The following CCNT2 variants were observed in gnomAD, a reference collection of about 807,000 sequenced individuals.
CCNT2 encodes the protein cyclin-T2.
Under a neutral mutation model 70.0 loss-of-function variants are expected in CCNT2, and 18 were observed. The ratio of observed to expected loss-of-function variants is 0.26; its 90% CI spans 0.18 to 0.38. CCNT2 has a LOEUF of 0.38. Ranked by LOEUF, CCNT2 falls within the 10% of genes least tolerant of loss-of-function variation. The pLI is 1.00. For missense variants in CCNT2, 734 were observed against 890.2 expected (o/e 0.82, Z 2.23); for synonymous variants, 334 against 313.3 (o/e 1.07, Z -0.70).
chr2:134,945,228 G>T (rs1276419903), intron 5 of CCNT2: 1 of 985,240 alleles, frequency 1.0e-6, no homozygotes, highest in Non-Finnish European at 1.2e-6. Context: ...TAGGGGAGGG[G>T]GAAAGAAATT....
intron 7 of CCNT2, among the ~76,000 whole-genome samples, chr2:134,949,718 A>G (rs1682297961): frequency 6.7e-6 from 1 of 148,498 alleles, no homozygotes; most frequent in Admixed American, 7.0e-5. Flanking sequence ...TATCTGTTCT[A>G]TAGCTTGAAA....
chr2:134,937,866 A>C (rs1223239103), intron 3 of CCNT2, among the ~76,000 whole-genome samples: 2 of 152,192 alleles, frequency 1.3e-5, no homozygotes, highest in African/African-American at 4.8e-5. Flanking sequence ...GTGAGCTGAG[A>C]TCGTGCCATT....
intron 2 of CCNT2, among the ~76,000 whole-genome samples, chr2:134,928,048 G>A (rs560819740): frequency 6.6e-6 from 1 of 152,298 alleles, no homozygotes; most frequent in East Asian, 1.9e-4. Context: ...TAAGGCTTGT[G>A]CTTAGTGACA....
intron 2 of CCNT2, among the ~76,000 whole-genome samples, chr2:134,929,562 C>T (rs928611811): frequency 1.2e-4 from 18 of 147,332 alleles, no homozygotes; most frequent in Admixed American, 1.0e-3. Flanking sequence ...GAGCCACGTT[C>T]ACGCCACTGC....
intron 2 of CCNT2, among the ~76,000 whole-genome samples, chr2:134,931,720 C>T (rs1298099502): frequency 6.6e-6 from 1 of 152,080 alleles, no homozygotes; most frequent in East Asian, 1.9e-4. Context: ...TATTTGAATT[C>T]CTGTGCAATG....
chr2:134,941,203 C>T (rs1173844452), intron 4 of CCNT2, among the ~76,000 whole-genome samples: 1 of 152,138 alleles, frequency 6.6e-6, no homozygotes, highest in Non-Finnish European at 1.5e-5. Context: ...CAGGTGTTGC[C>T]TGCCTCTCCT....
At chr2:134,939,632 T>C (rs2105055834) in intron 4 of CCNT2, among the ~76,000 whole-genome samples, 1 of 152,026 alleles carries the variant, frequency 6.6e-6, no homozygotes, top group South Asian at 2.1e-4. Flanking sequence ...CACCTGGTTA[T>C]TTTTTTGTAA....
intron 2 of CCNT2, among the ~76,000 whole-genome samples, chr2:134,928,495 C>G (rs1336028525): frequency 2.6e-5 from 4 of 151,968 alleles, no homozygotes; most frequent in Admixed American, 1.3e-4. Context: ...TCAGGCTGGT[C>G]TAGAACTCCC....
Position 134,954,266 on chromosome 2 carries a change from G to A in CCNT2, c.1811G>A (p.Gly604Asp), listed in dbSNP as rs755814128. ...IPPTVLRSPV[G>D]LSSDGISSSS... ...CCCACTGTTCTGAGGAGTCCTGTTG[G>A]CCTGAGCAGTGATGGCATTTCCTCT... Residue 604 changes from glycine to aspartate, a missense_variant, in exon 9 of 9, where the codon GGC (glycine) becomes GAC (aspartate). Physicochemically the swap from Gly to Asp is moderately conservative, Grantham distance 94 (BLOSUM62 -1). This residue lies in a region of CCNT2 where 532 missense variants were observed against 556.9 expected (regional missense o/e 0.96). Coordinates refer to ENST00000264157, the MANE Select transcript of CCNT2 (RefSeq NM_058241.3). The A allele has an allele frequency of 5.0e-6, 8 of 1,614,156 alleles. No individual in the cohort carries two copies. Among genetic ancestry groups the A allele is most frequent in the Non-Finnish European group, 6.8e-6 (8 of 1,180,010 alleles).
intron 2 of CCNT2, 69 bp downstream of exon 2, chr2:134,919,960 G>A (rs1428201845): frequency 1.9e-6 from 2 of 1,048,050 alleles, no homozygotes; most frequent in Non-Finnish European, 2.9e-6. Flanking sequence ...AAAAAAAGTT[G>A]GTCATTGCGT....
Position 134,957,927 on chromosome 2 carries a change from ATCCTC to A in CCNT2, c.*3281_*3285del, listed in dbSNP as rs1683020331. The A allele has an allele frequency of 6.6e-6, 1 of 152,154 alleles. No homozygotes were observed. Among genetic ancestry groups the A allele is most frequent in the East Asian group, 1.9e-4 (1 of 5,190 alleles). 9.4% of individuals were successfully genotyped at this position (152,154 alleles called of 1,614,324 possible). A position where few individuals can be genotyped will look rare whatever the true frequency, so the allele number is the denominator to read the frequency against. On this transcript the variant is annotated 3_prime_UTR_variant, in exon 9 of 9. Coordinates refer to ENST00000264157, the MANE Select transcript of CCNT2 (RefSeq NM_058241.3). ...ATAGAATACCTAATTTTTTTGGCCT[ATCCTC>A]TTTGAACTAGAAATGACTACTTGAG...
rs755270062 is a variant in CCNT2, at chr2:134,942,685, C to T, written c.493+11C>T. 1 of 1,600,712 alleles carries T rather than the reference C, an allele frequency of 6.2e-7. No homozygotes were observed. The highest frequency in any genetic ancestry group is 1.3e-5 in the African/African-American group (1 of 74,682). ...CCCAGTTAGTAAGAGGTAGGTGATCCTTGAAACTTTTAAGATAAGTATTAA... is the reference window on the plus strand; with the variant it reads ...CCCAGTTAGTAAGAGGTAGGTGATCTTTGAAACTTTTAAGATAAGTATTAA... On this transcript the variant is annotated intron_variant, in intron 5 of 8. Coordinates refer to ENST00000264157, the MANE Select transcript of CCNT2 (RefSeq NM_058241.3).
intron 5 of CCNT2, chr2:134,944,072 A>AT: frequency 1.0e-6 from 1 of 984,942 alleles, no homozygotes; most frequent in Non-Finnish European, 1.2e-6. Flanking sequence ...TCTAATTTGT[A>AT]TTTTTTTGTA....
intron 8 of CCNT2, 190 bp downstream of exon 8, chr2:134,952,901 T>A (rs1682632225): frequency 4.0e-6 from 2 of 503,142 alleles, no homozygotes; most frequent in South Asian, 4.0e-5. Context: ...ATTATACTTT[T>A]AAAAAATTTT....
intron 2 of CCNT2, among the ~76,000 whole-genome samples, chr2:134,935,296 T>C (rs1478348462): frequency 6.6e-6 from 1 of 152,270 alleles, no homozygotes; most frequent in Non-Finnish European, 1.5e-5. Flanking sequence ...AGCCAAACTC[T>C]ATTTTACATC....
chr2:134,919,912 T>C, intron 2 of CCNT2, 21 bp downstream of exon 2: 1 of 1,549,408 alleles, frequency 6.5e-7, no homozygotes, highest in Non-Finnish European at 8.9e-7. Context: ...GTTGTCTGTT[T>C]TTACTGTCCG....
intron 2 of CCNT2, among the ~76,000 whole-genome samples, chr2:134,924,641 G>A (rs1261055583): frequency 2.0e-5 from 3 of 151,978 alleles, no homozygotes; most frequent in Admixed American, 2.0e-4. Context: ...GTAGAGACGG[G>A]TTTTCACCAT....
chr2:134,954,332 C>T lies in CCNT2; in HGVS notation c.1877C>T (p.Ala626Val). ...SSRKRLHVNDASHNHHSKMSK... is the reference protein window; with the variant it reads ...SSRKRLHVNDVSHNHHSKMSK... ...AGGAAGAGGCTGCATGTCAATGATG[C>T]ATCTCACAACCACCACTCCAAAATG... Residue 626 changes from alanine to valine, a missense_variant, in exon 9 of 9, where the codon GCA (alanine) becomes GTA (valine). Coordinates refer to ENST00000264157, the MANE Select transcript of CCNT2 (RefSeq NM_058241.3). 1 of 1,614,140 alleles carries T rather than the reference C, an allele frequency of 6.2e-7. No individual in the cohort carries two copies. The highest frequency in any genetic ancestry group is 8.5e-7 in the Non-Finnish European group (1 of 1,179,978).
intron 7 of CCNT2, among the ~76,000 whole-genome samples, chr2:134,950,046 G>A (rs1682348030): frequency 6.6e-6 from 1 of 152,078 alleles, no homozygotes; most frequent in Non-Finnish European, 1.5e-5. Flanking sequence ...CACCCACCTT[G>A]GCCTCAAAGT....
Sources: gnomAD v4.1 joint callset for allele counts (sites outside exome capture counted in the v4.1 genomes callset) on GRCh38, gnomAD v4.1.1 for gene constraint, gnomAD v4.1.1 regional missense constraint, MANE v1.5 for transcripts, NCBI Gene and HGNC (gene_info 2026-07-23, HGNC 2026-07-21) for gene names.